The following ARL15 variants were observed in gnomAD, a reference collection of about 807,000 sequenced individuals.
ARL15 encodes the protein ARF like GTPase 15.
Under a neutral mutation model 25.2 loss-of-function variants are expected in ARL15, and 19 were observed. That is an observed-to-expected ratio of 0.75 (90% CI 0.53 to 1.10). The LOEUF is 1.10. Ranked by LOEUF, ARL15 falls within the 50% of genes least tolerant of loss-of-function variation. The pLI, the probability that ARL15 is intolerant of heterozygous loss-of-function variation, is 0.00. For missense variants in ARL15, 220 were observed against 246.0 expected, an observed-to-expected ratio of 0.89 and a Z score of 0.71; for synonymous variants, 94 against 86.8, an observed-to-expected ratio of 1.08 and a Z score of -0.46.
At chr5:54,003,634 T>A (rs1399384869) in intron 4 of ARL15, among the ~76,000 whole-genome samples, 1 of 151,848 alleles carries the variant, frequency 6.6e-6, no homozygotes, top group Non-Finnish European at 1.5e-5. Context: ...GAATGGAATG[T>A]CAGAATGTCA....
intron 1 of ARL15, among the ~76,000 whole-genome samples, chr5:54,215,473 C>T (rs968403544): frequency 6.6e-6 from 1 of 152,118 alleles, no homozygotes; most frequent in South Asian, 2.1e-4. Flanking sequence ...GCCGACCCAG[C>T]GCCATTCACA....
At chr5:53,982,541 T>A (rs1354474912) in intron 4 of ARL15, among the ~76,000 whole-genome samples, 3 of 152,204 alleles carry the variant, frequency 2.0e-5, no homozygotes, top group Non-Finnish European at 4.4e-5. Context: ...CTGCATAGTA[T>A]TCCATGGTGT....
chr5:54,092,363 GAATA>G (rs1306495782), intron 4 of ARL15, among the ~76,000 whole-genome samples: 2 of 151,718 alleles, frequency 1.3e-5, no homozygotes, highest in Admixed American at 1.3e-4. Flanking sequence ...TTGAATATAA[GAATA>G]AATGGATGGG....
chr5:53,971,846 AT>A (rs1408923864), intron 4 of ARL15, among the ~76,000 whole-genome samples: 14 of 152,168 alleles, frequency 9.2e-5, no homozygotes, highest in African/African-American at 3.4e-4. Context: ...GCTTTGCTGA[AT>A]TTCTTAAAGG....
chr5:54,131,082 C>G (rs1277455291), intron 3 of ARL15, among the ~76,000 whole-genome samples: 3 of 152,122 alleles, frequency 2.0e-5, no homozygotes, highest in Non-Finnish European at 4.4e-5. Context: ...CCAGTGGGAC[C>G]TGGGGCATGC....
chr5:54,157,657 C>T (rs1448519478), intron 2 of ARL15, among the ~76,000 whole-genome samples: 4 of 152,104 alleles, frequency 2.6e-5, no homozygotes, highest in Admixed American at 6.5e-5. Flanking sequence ...GTGATCTACC[C>T]GCCTCGGCCT....
intron 4 of ARL15, among the ~76,000 whole-genome samples, chr5:53,932,143 A>C (rs1166393211): frequency 6.6e-6 from 1 of 152,256 alleles, no homozygotes; most frequent in African/African-American, 2.4e-5. Context: ...CAGTGCCCAC[A>C]CATTGCTACA....
intron 4 of ARL15, among the ~76,000 whole-genome samples, chr5:54,057,770 G>C (rs1261873504): frequency 6.6e-6 from 1 of 152,118 alleles, no homozygotes; most frequent in Non-Finnish European, 1.5e-5. Flanking sequence ...GATGGCCTGA[G>C]TCTGGGAGGT....
chr5:53,886,570 T>C lies in ARL15; in HGVS notation c.606A>G (p.Val202=). 1 of 1,560,386 alleles carries C rather than the reference T, an allele frequency of 6.4e-7. No individual in the cohort carries two copies. The highest frequency in any genetic ancestry group is 2.3e-5 in the East Asian group (1 of 42,590). The change falls in exon 5 of 5, where the codon GTA becomes GTG. Residue 202 remains valine (V), a synonymous_variant. Coordinates refer to ENST00000504924, the MANE Select transcript of ARL15 (RefSeq NM_019087.3). ...TTTTCTTTGCCAGATTTCACATTCT[T>C]ACAGCTTCATGGTCTTTTTCTTCTA... ...NLLEEKDHEA[V]RM
At chr5:54,293,197 T>C (rs1758377760) in intron 1 of ARL15, among the ~76,000 whole-genome samples, 1 of 152,196 alleles carries the variant, frequency 6.6e-6, no homozygotes, top group African/African-American at 2.4e-5. Context: ...TATGATTCTG[T>C]TGGAATCCTG....
chr5:54,271,124 T>C (rs1341529423), intron 1 of ARL15, among the ~76,000 whole-genome samples: 1 of 152,202 alleles, frequency 6.6e-6, no homozygotes, highest in Non-Finnish European at 1.5e-5. Context: ...ACATTGGCTT[T>C]CCTGGTTCTG....
At chr5:54,038,298 AG>A (rs1404526728) in intron 4 of ARL15, among the ~76,000 whole-genome samples, 2 of 152,140 alleles carry the variant, frequency 1.3e-5, no homozygotes, top group African/African-American at 4.8e-5. Flanking sequence ...GATTCTCTGC[AG>A]AGCAGATGTA....
intron 4 of ARL15, among the ~76,000 whole-genome samples, chr5:54,014,525 C>CTTT (rs35687303): frequency 1.4e-5 from 2 of 146,830 alleles, no homozygotes; most frequent in Non-Finnish European, 1.5e-5. Flanking sequence ...AGTCCCCATT[C>CTTT]TTTTTTTTTT....
intron 1 of ARL15, among the ~76,000 whole-genome samples, chr5:54,300,545 T>C (rs1758589929): frequency 6.6e-6 from 1 of 152,228 alleles, no homozygotes; most frequent in South Asian, 2.1e-4. Context: ...AAATACATTG[T>C]TATTGTGTTA....
intron 4 of ARL15, among the ~76,000 whole-genome samples, chr5:53,973,871 A>G (rs1327847091): frequency 6.6e-6 from 1 of 152,200 alleles, no homozygotes; most frequent in Non-Finnish European, 1.5e-5. Context: ...TATCATATGC[A>G]TAAATAATGC....
At position 53,981,566 on chromosome 5, in the gene ARL15, C is replaced by T. The variant is rs183456417; in HGVS notation, c.463-94853G>A. Among the ~76,000 whole-genome samples, 79 of 152,146 alleles carry T rather than the reference C, an allele frequency of 5.2e-4. 1 individual carries two copies. Among genetic ancestry groups the T allele is most frequent in the Admixed American group, 2.6e-3 (39 of 15,282 alleles). On this transcript the variant is annotated intron_variant, in intron 4 of 4. Transcript: ENST00000504924. ...TATAAGGATTCCTAATTTAAAAACT[C>T]GAAAAACATTAATTTGTGGTATCTG...
chr5:54,245,878 G>A (rs1036687270), intron 1 of ARL15, among the ~76,000 whole-genome samples: 2 of 152,120 alleles, frequency 1.3e-5, no homozygotes, highest in Middle Eastern at 3.2e-3. Flanking sequence ...ACGAGCCACT[G>A]TGCCTGGCCT....
At chr5:54,005,236 T>C (rs1473081201) in intron 4 of ARL15, among the ~76,000 whole-genome samples, 1 of 149,808 alleles carries the variant, frequency 6.7e-6, no homozygotes, top group Non-Finnish European at 1.5e-5. Context: ...AGGTAGTAGA[T>C]GGCAGAAGAC....
At chr5:53,994,033 T>C (rs377595789) in intron 4 of ARL15, among the ~76,000 whole-genome samples, 1 of 152,138 alleles carries the variant, frequency 6.6e-6, no homozygotes, top group East Asian at 1.9e-4. Flanking sequence ...TGGGGGTAAA[T>C]GAATGAGCTG....
Sources: allele counts gnomAD v4.1 joint callset (sites outside exome capture counted in the v4.1 genomes callset), GRCh38; gene constraint gnomAD v4.1.1; transcripts MANE v1.5; gene names NCBI Gene and HGNC (gene_info 2026-07-23, HGNC 2026-07-21).